The following MEI1 variants were observed in gnomAD, a reference collection of about 807,000 sequenced individuals.
The protein encoded by MEI1 is meiosis inhibitor protein 1.
In MEI1, 103 loss-of-function variants were observed where a neutral mutation model predicts 146.2. The observed-to-expected ratio is 0.70, with a 90% CI of 0.60 to 0.83. The LOEUF (loss-of-function observed/expected upper bound fraction) is 0.83. Ranked by LOEUF, MEI1 falls within the 40% of genes least tolerant of loss-of-function variation. The pLI is 0.00. For synonymous variants in MEI1, 652 were observed against 628.2 expected (o/e 1.04, Z -0.57); for missense variants, 1,529 against 1,533.0 (o/e 1.00, Z 0.04).
intron 2 of MEI1, among the ~76,000 whole-genome samples, chr22:41,705,055 A>G (rs2068984191): frequency 6.6e-6 from 1 of 152,168 alleles, no homozygotes; most frequent in Non-Finnish European, 1.5e-5. Flanking sequence ...ATCGAAAGTC[A>G]AAGTATTTGG....
chr22:41,699,513 C>A lies in MEI1; in HGVS notation c.-26C>A. The A allele has an allele frequency of 3.1e-6, 5 of 1,594,196 alleles. No homozygotes were observed. Among genetic ancestry groups the A allele is most frequent in the Non-Finnish European group, 3.4e-6 (4 of 1,170,490 alleles). On this transcript the variant is annotated 5_prime_UTR_variant, in exon 1 of 31. Coordinates refer to ENST00000401548, the MANE Select transcript of MEI1 (RefSeq NM_152513.4). ...GTGCAGTCTGCGCGGGAAAGAGTGC[C>A]GCCTCAGCTGAGGGCAAGCGAGGAG...
In MEI1 at chr22:41,770,691, G is replaced by A. The variant is rs769690676; in HGVS notation, c.2274G>A (p.Met758Ile). The A allele has an allele frequency of 9.3e-6, 15 of 1,613,468 alleles. No homozygotes were observed. The Admixed American group carries it at 1.8e-4, about 20-fold the overall frequency. The change falls in exon 20 of 31, where the codon ATG (methionine) becomes ATA (isoleucine). Residue 758 changes from methionine (M) to isoleucine (I), a missense_variant. Coordinates refer to ENST00000401548, the MANE Select transcript of MEI1 (RefSeq NM_152513.4). ...TTTCTTTGTTTTGCCTCCAGACTAT[G>A]GTCAGTGCAATCAGAAAATTCCTAG... ...QDKDNTLRETMVSAIRKFLEG... is the reference protein window; with the variant it reads ...QDKDNTLRETIVSAIRKFLEG...
At chr22:41,744,136 A>T (rs1227286972) in intron 12 of MEI1, among the ~76,000 whole-genome samples, 1 of 151,696 alleles carries the variant, frequency 6.6e-6, no homozygotes, top group East Asian at 1.9e-4. Context: ...AAGTTCTGGG[A>T]TTACAGGCAT....
intron 11 of MEI1, among the ~76,000 whole-genome samples, chr22:41,734,072 G>T (rs1192819846): frequency 6.6e-6 from 1 of 151,734 alleles, no homozygotes; most frequent in Non-Finnish European, 1.5e-5. Flanking sequence ...AGGTTGCAGT[G>T]AGTGGAGATC....
intron 19 of MEI1, among the ~76,000 whole-genome samples, chr22:41,768,864 A>C (rs2075011426): frequency 6.6e-6 from 1 of 152,230 alleles, no homozygotes; most frequent in Non-Finnish European, 1.5e-5. Flanking sequence ...ACACAAATCC[A>C]AATCATATCA....
intron 26 of MEI1, among the ~76,000 whole-genome samples, chr22:41,792,918 T>TAAAA (rs139554): frequency 1.4e-5 from 2 of 144,362 alleles, no homozygotes; most frequent in African/African-American, 5.1e-5. Context: ...CCTGTTGCTT[T>TAAAA]AAAAAAAAAA....
At chr22:41,753,852 C>T in intron 16 of MEI1, 97 bp from the exon 17 acceptor site, 1 of 868,186 alleles carries the variant, frequency 1.2e-6, no homozygotes, top group South Asian at 1.4e-5. Context: ...TAGCCTCTGG[C>T]ACAAAGCAGT....
intron 16 of MEI1, 68 bp downstream of exon 16, chr22:41,752,719 A>T: frequency 7.2e-7 from 1 of 1,393,994 alleles, no homozygotes; most frequent in Non-Finnish European, 1.0e-6. Flanking sequence ...GACAAGTGGG[A>T]ATTGTTGGCT....
intron 23 of MEI1, 108 bp from the exon 24 acceptor site, chr22:41,781,577 A>T: frequency 7.4e-7 from 1 of 1,354,164 alleles, no homozygotes; most frequent in East Asian, 2.5e-5. Context: ...CCTCAGGATG[A>T]TCCTCTGTTT....
At chr22:41,737,200 C>T (rs896883964) in intron 11 of MEI1, among the ~76,000 whole-genome samples, 1 of 152,106 alleles carries the variant, frequency 6.6e-6, no homozygotes, top group Non-Finnish European at 1.5e-5. Context: ...CCTTATCAGA[C>T]TGCTATAGCA....
chr22:41,738,232 A>T (rs2072550744), intron 11 of MEI1, among the ~76,000 whole-genome samples: 1 of 152,078 alleles, frequency 6.6e-6, no homozygotes. Flanking sequence ...AGGTGGGTGG[A>T]TCACAATGTC....
chr22:41,704,414 C>CTT (rs563536729), intron 2 of MEI1, among the ~76,000 whole-genome samples: 20 of 137,692 alleles, frequency 1.5e-4, no homozygotes, highest in Non-Finnish European at 2.5e-4. Flanking sequence ...AATTCTTACC[C>CTT]TTTTTTTTTT....
At chr22:41,773,477 T>C (rs954629637) in intron 20 of MEI1, among the ~76,000 whole-genome samples, 2 of 150,404 alleles carry the variant, frequency 1.3e-5, no homozygotes, top group Non-Finnish European at 2.9e-5. Context: ...CCCAAGGTCA[T>C]ATAGTTAATA....
chr22:41,725,857 G>A (rs1040141752), intron 7 of MEI1, among the ~76,000 whole-genome samples: 1 of 152,188 alleles, frequency 6.6e-6, no homozygotes, highest in Non-Finnish European at 1.5e-5. Flanking sequence ...ACCTGAGTCT[G>A]GCATCTTTCC....
intron 21 of MEI1, among the ~76,000 whole-genome samples, chr22:41,777,159 T>TA (rs1212271170): frequency 9.2e-5 from 1 of 10,830 alleles, no homozygotes; most frequent in Non-Finnish European, 3.6e-4. Flanking sequence ...TTAAAAATAA[T>TA]TTTTTTTTTT....
chr22:41,781,403 GC>G lies in MEI1; in HGVS notation c.2926+12del. The G allele has an allele frequency of 6.3e-7, 1 of 1,599,472 alleles. No homozygotes were observed. ...CAGCAGTCAGAAAAGAGGTGCAGGG[GC>G]CCGGGCTGGGACAGTGAAGAGTGCT... is the stretch of plus-strand genomic sequence containing the variant. On this transcript the variant is annotated intron_variant, in intron 23 of 30. Coordinates refer to ENST00000401548, the MANE Select transcript of MEI1 (RefSeq NM_152513.4).
In MEI1 at chr22:41,793,854, G is replaced by A. The variant is rs1401053010; in HGVS notation, c.3371G>A (p.Cys1124Tyr). The A allele has an allele frequency of 6.2e-7, 1 of 1,609,068 alleles. No homozygotes were observed. The highest frequency in any genetic ancestry group is 8.5e-7 in the Non-Finnish European group (1 of 1,178,600). ...AAGGACCCTCTATTGTCCCAGGCCT[G>A]TGTTGGCTGCCTGGAGGCCTTGCTT... is the stretch of plus-strand genomic sequence containing the variant. ...VQKDPLLSQA[C>Y]VGCLEALLDY... is the part of the protein sequence containing the mutation. The change falls in exon 27 of 31, where the codon TGT becomes TAT. Residue 1124 changes from cysteine (C) to tyrosine (Y), a missense_variant. Physicochemically the swap from Cys to Tyr is radical, Grantham distance 194 (BLOSUM62 -2). This residue lies in a region of MEI1 where 313 missense variants were observed against 337.3 expected (regional missense o/e 0.93). Coordinates refer to ENST00000401548, the MANE Select transcript of MEI1 (RefSeq NM_152513.4).
chr22:41,733,381 A>G (rs969388960), intron 11 of MEI1, among the ~76,000 whole-genome samples: 14 of 152,198 alleles, frequency 9.2e-5, no homozygotes, highest in African/African-American at 3.1e-4. Context: ...CCTGGGAAGC[A>G]GAGGTTGCGG....
At chr22:41,786,687 A>C (rs1569326972) in intron 26 of MEI1, among the ~76,000 whole-genome samples, 1 of 152,224 alleles carries the variant, frequency 6.6e-6, no homozygotes, top group Non-Finnish European at 1.5e-5. Flanking sequence ...GGCTTGGGTC[A>C]GTGCCCTCTC....
Sources: gnomAD v4.1 joint callset for allele counts (sites outside exome capture counted in the v4.1 genomes callset) on GRCh38, gnomAD v4.1.1 for gene constraint, gnomAD v4.1.1 regional missense constraint, MANE v1.5 for transcripts, NCBI Gene and HGNC (gene_info 2026-07-23, HGNC 2026-07-21) for gene names.